The following ERBB4 variants were observed in gnomAD, a reference collection of about 807,000 sequenced individuals.
ERBB4 encodes receptor tyrosine-protein kinase erbB-4.
In ERBB4, 42 loss-of-function variants were observed where a neutral mutation model predicts 158.0. That is an observed-to-expected ratio of 0.27 (90% CI 0.21 to 0.34). ERBB4 has a LOEUF of 0.34. ERBB4 is among the 10% of genes least tolerant of loss of function. The probability of loss-of-function intolerance (pLI) is 1.00; values close to 1 mark genes in which losing one functional copy is unlikely to be tolerated. For synonymous variants in ERBB4, 583 were observed against 558.7 expected (o/e 1.04, Z -0.61); for missense variants, 1,333 against 1,624.1 (o/e 0.82, Z 3.08).
chr2:212,156,709 T>C (rs2081046037), intron 1 of ERBB4, among the ~76,000 whole-genome samples: 1 of 152,096 alleles, frequency 6.6e-6, no homozygotes, highest in Non-Finnish European at 1.5e-5. Flanking sequence ...AACAGGATAT[T>C]TTCCTTTCAA....
chr2:212,433,342 C>T (rs1268131388), intron 1 of ERBB4, among the ~76,000 whole-genome samples: 1 of 151,882 alleles, frequency 6.6e-6, no homozygotes, highest in Non-Finnish European at 1.5e-5. Flanking sequence ...TTTTACCTTC[C>T]TATTACATGT....
chr2:211,496,187 A>T (rs1165231246), intron 20 of ERBB4, among the ~76,000 whole-genome samples: 4 of 151,930 alleles, frequency 2.6e-5, no homozygotes, highest in African/African-American at 9.7e-5. Context: ...GAGTATTTGA[A>T]CTTTTTCTCT....
At chr2:211,657,168 A>G (rs575261728) in intron 16 of ERBB4, among the ~76,000 whole-genome samples, 1 of 152,126 alleles carries the variant, frequency 6.6e-6, no homozygotes, top group African/African-American at 2.4e-5. Context: ...AAAATATTCT[A>G]TTAAAGGTAT....
intron 1 of ERBB4, among the ~76,000 whole-genome samples, chr2:212,238,262 T>G (rs2083952555): frequency 6.6e-6 from 1 of 152,204 alleles, no homozygotes; most frequent in Non-Finnish European, 1.5e-5. Flanking sequence ...AGGAAAAGCA[T>G]GCATTTGGGC....
chr2:212,328,539 T>A (rs1179724488), intron 1 of ERBB4, among the ~76,000 whole-genome samples: 1 of 152,020 alleles, frequency 6.6e-6, no homozygotes, highest in Non-Finnish European at 1.5e-5. Context: ...TTTGAAAATA[T>A]GTGTCATAAT....
At chr2:211,620,601 A>G (rs1176524394) in intron 18 of ERBB4, among the ~76,000 whole-genome samples, 1 of 152,230 alleles carries the variant, frequency 6.6e-6, no homozygotes, top group Non-Finnish European at 1.5e-5. Flanking sequence ...TATGTGCCAA[A>G]TGCAAAATAA....
At chr2:211,992,160 T>C (rs2082088161) in intron 2 of ERBB4, among the ~76,000 whole-genome samples, 1 of 152,108 alleles carries the variant, frequency 6.6e-6, no homozygotes, top group Non-Finnish European at 1.5e-5. Flanking sequence ...GTATCCAGTT[T>C]ATAAACCAAC....
intron 2 of ERBB4, among the ~76,000 whole-genome samples, chr2:212,069,981 CACAGTGG>C (rs2078063600): frequency 2.5e-5 from 1 of 39,496 alleles, no homozygotes; most frequent in East Asian, 0.025. Flanking sequence ...AAAAGCCAAG[CACAGTGG>C]CATGTGTCTG....
At chr2:212,219,801 C>T (rs1432398479) in intron 1 of ERBB4, among the ~76,000 whole-genome samples, 1 of 151,270 alleles carries the variant, frequency 6.6e-6, no homozygotes, top group Non-Finnish European at 1.5e-5. Flanking sequence ...ACAAAACACT[C>T]TTAGGAGCAA....
At chr2:211,791,383 A>G (rs937413157) in intron 3 of ERBB4, among the ~76,000 whole-genome samples, 2 of 151,922 alleles carry the variant, frequency 1.3e-5, no homozygotes, top group African/African-American at 4.8e-5. Flanking sequence ...CCTGTGTTAT[A>G]CCAACCAACA....
intron 16 of ERBB4, among the ~76,000 whole-genome samples, chr2:211,631,887 T>A (rs1386562114): frequency 1.3e-5 from 2 of 152,088 alleles, no homozygotes; most frequent in Non-Finnish European, 2.9e-5. Flanking sequence ...ATACTACATT[T>A]TCTTAAAAAA....
chr2:212,373,951 CATA>C (rs2090208517), intron 1 of ERBB4, among the ~76,000 whole-genome samples: 1 of 35,180 alleles, frequency 2.8e-5, no homozygotes, highest in Non-Finnish European at 5.2e-5. Context: ...ATATATATAT[CATA>C]TATATATCCA....
intron 1 of ERBB4, among the ~76,000 whole-genome samples, chr2:212,461,526 G>A (rs1688574618): frequency 6.6e-6 from 1 of 152,156 alleles, no homozygotes. Context: ...ACTCTATTTA[G>A]GAAGTAAGCT....
At chr2:212,177,041 A>C (rs1279768683) in intron 1 of ERBB4, among the ~76,000 whole-genome samples, 1 of 151,688 alleles carries the variant, frequency 6.6e-6, no homozygotes, top group East Asian at 1.9e-4. Flanking sequence ...CAACATCTTC[A>C]AAAAAAATTA....
chr2:212,066,699 C>A (rs879542790), intron 2 of ERBB4, among the ~76,000 whole-genome samples: 1 of 151,928 alleles, frequency 6.6e-6, no homozygotes. Flanking sequence ...AGATCCTTAG[C>A]CATGGCCATT....
At chr2:211,632,853 C>T (rs2070196830) in intron 16 of ERBB4, among the ~76,000 whole-genome samples, 1 of 152,014 alleles carries the variant, frequency 6.6e-6, no homozygotes, top group African/African-American at 2.4e-5. Flanking sequence ...ACTTGAATTT[C>T]TTTACTGTTT....
At chr2:211,923,114 T>C (rs572228561) in intron 3 of ERBB4, among the ~76,000 whole-genome samples, 121 of 152,252 alleles carry the variant, frequency 7.9e-4, no homozygotes, top group African/African-American at 2.8e-3. Context: ...TCTGATATAA[T>C]ACTGGGGAAC....
intron 15 of ERBB4, among the ~76,000 whole-genome samples, chr2:211,658,294 T>C (rs1256370983): frequency 1.3e-5 from 2 of 152,094 alleles, no homozygotes; most frequent in Non-Finnish European, 2.9e-5. Context: ...CATACATGAT[T>C]ACATGTCTCA....
intron 16 of ERBB4, among the ~76,000 whole-genome samples, chr2:211,647,892 G>C (rs527239383): frequency 1.3e-5 from 2 of 151,560 alleles, no homozygotes; most frequent in South Asian, 4.1e-4. Context: ...CACCTTACCT[G>C]ATTTCCTCCT....
Sources: gnomAD v4.1 joint callset for allele counts (sites outside exome capture counted in the v4.1 genomes callset) on GRCh38, gnomAD v4.1.1 for gene constraint, MANE v1.5 for transcripts, NCBI Gene and HGNC (gene_info 2026-07-23, HGNC 2026-07-21) for gene names.